GNAQ: variants seen among roughly 807,000 people sequenced by gnomAD.
GNAQ encodes the protein guanine nucleotide-binding protein G(q) subunit alpha.
GNAQ carries 8 observed loss-of-function variants against 43.9 expected under a neutral mutation model. The observed-to-expected ratio is 0.18, with a 90% CI of 0.11 to 0.33. The LOEUF (loss-of-function observed/expected upper bound fraction) is 0.33, where lower values mean the gene tolerates loss of function less well. Ranked by LOEUF, GNAQ falls within the 10% of genes least tolerant of loss-of-function variation. The pLI is 1.00. For missense variants in GNAQ, 158 were observed against 450.8 expected (o/e 0.35, Z 5.88); for synonymous variants, 155 against 170.7 (o/e 0.91, Z 0.71).
At chr9:77,892,309 C>T (rs1459932791) in intron 2 of GNAQ, among the ~76,000 whole-genome samples, 1 of 152,172 alleles carries the variant, frequency 6.6e-6, no homozygotes. Context: ...TCACAAGTAC[C>T]TTCTATCACT....
In GNAQ at chr9:77,716,744, T is replaced by C. The variant is rs1825232536; in HGVS notation, c.*4579A>G. ...TGATTTTACCCAATAGATGTTTTCA[T>C]AACATGTAAATGTCATTTGCTATAT... On this transcript the variant is annotated 3_prime_UTR_variant, in exon 7 of 7. Coordinates refer to ENST00000286548, the MANE Select transcript of GNAQ (RefSeq NM_002072.5). 4.3e-6 allele frequency: 1 copy of C among 232,876 alleles called. No homozygotes were observed. Among genetic ancestry groups the C allele is most frequent in the South Asian group, 1.8e-4 (1 of 5,532 alleles). 14.4% of individuals were successfully genotyped at this position (232,876 alleles called of 1,614,324 possible). A position where few individuals can be genotyped will look rare whatever the true frequency, so the allele number is the denominator to read the frequency against.
intron 2 of GNAQ, among the ~76,000 whole-genome samples, chr9:77,873,352 G>A (rs1382156440): frequency 6.6e-6 from 1 of 152,138 alleles, no homozygotes; most frequent in Non-Finnish European, 1.5e-5. Flanking sequence ...GGAAATAAAT[G>A]CTTATGTATT....
intron 1 of GNAQ, among the ~76,000 whole-genome samples, chr9:78,002,546 G>A (rs771593877): frequency 4.6e-5 from 7 of 152,084 alleles, no homozygotes; most frequent in Non-Finnish European, 1.0e-4. Flanking sequence ...CTTGATCTCC[G>A]CGTGGCCTTT....
intron 2 of GNAQ, among the ~76,000 whole-genome samples, chr9:77,890,676 T>C (rs1828391112): frequency 6.6e-6 from 1 of 151,564 alleles, no homozygotes; most frequent in Admixed American, 6.6e-5. Context: ...TGAGCCGAGA[T>C]CACACCATTG....
chr9:78,027,588 T>C (rs1184076713), intron 1 of GNAQ, among the ~76,000 whole-genome samples: 1 of 151,922 alleles, frequency 6.6e-6, no homozygotes, highest in Non-Finnish European at 1.5e-5. Context: ...CCAGCTCTAC[T>C]AAATGCAAAA....
chr9:77,750,531 A>G (rs2118290593), intron 5 of GNAQ, among the ~76,000 whole-genome samples: 1 of 152,316 alleles, frequency 6.6e-6, no homozygotes, highest in African/African-American at 2.4e-5. Flanking sequence ...AAGATGGTAT[A>G]CAGAAGTCGA....
At chr9:77,864,417 T>C (rs1037180930) in intron 2 of GNAQ, among the ~76,000 whole-genome samples, 1 of 152,194 alleles carries the variant, frequency 6.6e-6, no homozygotes, top group Non-Finnish European at 1.5e-5. Context: ...GATGAAATTA[T>C]TGTGGCTGAT....
chr9:77,900,719 T>A (rs1043633995), intron 2 of GNAQ, among the ~76,000 whole-genome samples: 4 of 152,032 alleles, frequency 2.6e-5, no homozygotes, highest in African/African-American at 7.2e-5. Context: ...TTCCTTCATG[T>A]TTTCCCACAA....
At chr9:77,784,882 C>T (rs750589899) in intron 5 of GNAQ, among the ~76,000 whole-genome samples, 1 of 152,178 alleles carries the variant, frequency 6.6e-6, no homozygotes, top group African/African-American at 2.4e-5. Flanking sequence ...CAAATTCACA[C>T]CACAATGATA....
intron 2 of GNAQ, among the ~76,000 whole-genome samples, chr9:77,875,128 T>G (rs182141632): frequency 6.6e-6 from 1 of 152,304 alleles, no homozygotes; most frequent in African/African-American, 2.4e-5. Flanking sequence ...ATGTAAGAGA[T>G]GACTTCATCA....
rs533402456 is a variant in GNAQ, at chr9:77,833,631, T to C, written c.322-17861A>G. Among the ~76,000 whole-genome samples the C allele has an allele frequency of 3.9e-5, 6 of 152,344 alleles. No homozygotes were observed. The South Asian group carries it at 1.2e-3, about 32-fold the overall frequency. ...TTTGTTCAGATGCTTGTGCTGAAGA[T>C]AAAGTGAGAACTGACAAGTTTTCCT... On this transcript the variant is annotated intron_variant, in intron 2 of 6. Transcript: ENST00000286548.
At chr9:78,023,920 A>AACACACACATATTGTATATGTGTGTATAC (rs1823942991) in intron 1 of GNAQ, among the ~76,000 whole-genome samples, 1 of 148,184 alleles carries the variant, frequency 6.7e-6, no homozygotes, top group Admixed American at 6.6e-5. Context: ...TGTGTGTATA[A>AACACACACATATTGTATATGTGTGTATAC]ACACACACAT....
chr9:77,855,735 C>T (rs1431336390), intron 2 of GNAQ, among the ~76,000 whole-genome samples: 1 of 151,872 alleles, frequency 6.6e-6, no homozygotes, highest in Admixed American at 6.6e-5. Flanking sequence ...TCACTACCTA[C>T]CAATAAAAAT....
intron 2 of GNAQ, among the ~76,000 whole-genome samples, chr9:77,833,152 G>A (rs1170063997): frequency 2.0e-5 from 3 of 151,992 alleles, no homozygotes; most frequent in African/African-American, 7.2e-5. Context: ...TTTTTTTGTA[G>A]AGACGGGGAT....
intron 5 of GNAQ, among the ~76,000 whole-genome samples, chr9:77,751,127 G>A (rs1482616195): frequency 6.6e-6 from 1 of 152,128 alleles, no homozygotes; most frequent in African/African-American, 2.4e-5. Flanking sequence ...GCAATTAAAG[G>A]TGATTACAAG....
intron 2 of GNAQ, among the ~76,000 whole-genome samples, chr9:77,824,425 T>C (rs1827163136): frequency 6.6e-6 from 1 of 152,226 alleles, no homozygotes; most frequent in Non-Finnish European, 1.5e-5. Context: ...TATCTTTCGG[T>C]ATTAGTTCAG....
intron 1 of GNAQ, among the ~76,000 whole-genome samples, chr9:77,954,230 G>T (rs1306439711): frequency 1.3e-5 from 2 of 152,178 alleles, no homozygotes; most frequent in Admixed American, 1.3e-4. Flanking sequence ...TGACTATGCG[G>T]TCTGGAATAT....
intron 3 of GNAQ, among the ~76,000 whole-genome samples, chr9:77,808,945 A>G (rs992309189): frequency 2.0e-5 from 3 of 152,192 alleles, no homozygotes; most frequent in Admixed American, 2.0e-4. Flanking sequence ...CCAAACCAAT[A>G]TACCCTGGAG....
chr9:77,922,152 C>A lies in GNAQ; in HGVS notation c.321+9G>T. ...TCAGCTGACTGCTCCAATGAAGAGT[C>A]GCACCTACCTTATTGTGCTCATACT... On this transcript the variant is annotated intron_variant, in intron 2 of 6. Transcript: ENST00000286548. 1 of 1,592,802 alleles carries A rather than the reference C, an allele frequency of 6.3e-7. No homozygotes were observed. Among genetic ancestry groups the A allele is most frequent in the Non-Finnish European group, 8.6e-7 (1 of 1,162,160 alleles).
Sources: allele counts gnomAD v4.1 joint callset (sites outside exome capture counted in the v4.1 genomes callset), GRCh38; gene constraint gnomAD v4.1.1; transcripts MANE v1.5; gene names NCBI Gene and HGNC (gene_info 2026-07-23, HGNC 2026-07-21).